The following ARHGAP24 variants were observed in gnomAD, a reference collection of about 807,000 sequenced individuals.
ARHGAP24 encodes the protein Rho GTPase activating protein 24, also known as rho GTPase-activating protein 24.
In ARHGAP24, 50 loss-of-function variants were observed where a neutral mutation model predicts 76.4. The ratio of observed to expected loss-of-function variants is 0.65; its 90% confidence interval spans 0.52 to 0.83. The LOEUF is 0.83. Ranked by LOEUF, ARHGAP24 falls within the 40% of genes least tolerant of loss-of-function variation. The pLI, the probability that ARHGAP24 is intolerant of heterozygous loss-of-function variation, is 0.00. For synonymous variants in ARHGAP24, 345 were observed against 323.3 expected (o/e 1.07, Z -0.72); for missense variants, 930 against 914.2 (o/e 1.02, Z -0.22).
intron 8 of ARHGAP24, among the ~76,000 whole-genome samples, chr4:85,987,707 A>AACTT (rs1451377550): frequency 6.6e-6 from 1 of 152,026 alleles, no homozygotes; most frequent in East Asian, 1.9e-4. Context: ...GTTAGGAGAA[A>AACTT]ACTTAAAAAG....
At chr4:85,939,704 G>GA (rs537909264) in intron 4 of ARHGAP24, among the ~76,000 whole-genome samples, 17 of 150,950 alleles carry the variant, frequency 1.1e-4, no homozygotes, top group South Asian at 2.1e-4. Context: ...GGTTGTTGGG[G>GA]AAAAAAAAAT....
chr4:85,639,426 A>G (rs537156850), intron 2 of ARHGAP24, among the ~76,000 whole-genome samples: 1 of 152,238 alleles, frequency 6.6e-6, no homozygotes, highest in African/African-American at 2.4e-5. Context: ...CCCGATCTAA[A>G]TCTCAGGCAA....
At chr4:85,731,386 A>T (rs1227811768) in intron 3 of ARHGAP24, among the ~76,000 whole-genome samples, 1 of 152,130 alleles carries the variant, frequency 6.6e-6, no homozygotes, top group East Asian at 1.9e-4. Flanking sequence ...TTGAGAAGAG[A>T]CACCTTCTAT....
At chr4:85,984,849 GTC>G (rs1739886538) in intron 8 of ARHGAP24, among the ~76,000 whole-genome samples, 1 of 152,042 alleles carries the variant, frequency 6.6e-6, no homozygotes, top group Admixed American at 6.5e-5. Flanking sequence ...TCAAGATGGA[GTC>G]TCACTCTGTC....
Position 85,972,057 on chromosome 4 carries a change from G to A in ARHGAP24, c.621G>A (p.Val207=), listed in dbSNP as rs74779744. ...SFDSNTDVHT[V]ASLLKLYLRE... ...ACAGCAACACAGATGTACACACGGT[G>A]GCATCACTTCTTAAGCTGTACCTCC... The change falls in exon 6 of 10, where the codon GTG becomes GTA. Residue 207 remains valine (V), a synonymous_variant. Coordinates refer to ENST00000395184, the MANE Select transcript of ARHGAP24 (RefSeq NM_001025616.3). The A allele has an allele frequency of 2.5e-4, 403 of 1,613,828 alleles. No individual in the cohort carries two copies. The African/African-American group carries it at 4.2e-3, about 17-fold the overall frequency.
rs1741047606 is a variant in ARHGAP24, at chr4:86,001,978, T to C, written c.*1256T>C. ...AGGTGAATGCCTAAAGTTCCAATTTTAGCAAATATGGGAACCTCAGCAATG... is the reference window on the plus strand; with the variant it reads ...AGGTGAATGCCTAAAGTTCCAATTTCAGCAAATATGGGAACCTCAGCAATG... On this transcript the variant is annotated 3_prime_UTR_variant, in exon 10 of 10. Coordinates refer to ENST00000395184, the MANE Select transcript of ARHGAP24 (RefSeq NM_001025616.3). 1 of 152,256 alleles carries C rather than the reference T, an allele frequency of 6.6e-6. No individual in the cohort carries two copies. Among genetic ancestry groups the C allele is most frequent in the Admixed American group, 6.5e-5 (1 of 15,288 alleles). 9.4% of individuals were successfully genotyped at this position (152,256 alleles called of 1,614,324 possible). A position where few individuals can be genotyped will look rare whatever the true frequency, so the allele number is the denominator to read the frequency against.
intron 2 of ARHGAP24, among the ~76,000 whole-genome samples, chr4:85,677,807 T>C (rs1407937289): frequency 2.0e-5 from 3 of 152,224 alleles, no homozygotes; most frequent in African/African-American, 7.2e-5. Flanking sequence ...AATTTTAATG[T>C]GCTAATTAAT....
At chr4:85,945,759 CAAAAAAAAAAA>C in intron 5 of ARHGAP24, among the ~76,000 whole-genome samples, 1 of 62,496 alleles carries the variant, frequency 1.6e-5, no homozygotes, top group East Asian at 4.1e-4. Flanking sequence ...GACTCAGCCT[CAAAAAAAAAAA>C]AAAAAAAAAT....
At chr4:85,487,992 GC>G (rs1723201613) in intron 1 of ARHGAP24, among the ~76,000 whole-genome samples, 2 of 147,754 alleles carry the variant, frequency 1.4e-5, no homozygotes, top group South Asian at 4.2e-4. Context: ...TGCAAGCTCT[GC>G]CCCCTGGGTT....
chr4:85,625,232 T>C (rs368461667), intron 2 of ARHGAP24, among the ~76,000 whole-genome samples: 6 of 152,078 alleles, frequency 3.9e-5, no homozygotes, highest in African/African-American at 9.7e-5. Context: ...TCCCTCTACA[T>C]ACTGCTTTGA....
intron 1 of ARHGAP24, among the ~76,000 whole-genome samples, chr4:85,502,848 C>G (rs550328741): frequency 6.6e-6 from 1 of 152,094 alleles, no homozygotes; most frequent in East Asian, 1.9e-4. Flanking sequence ...GTGATATTGG[C>G]TTTGTTTGTC....
chr4:85,986,740 A>G (rs1290101652), intron 8 of ARHGAP24, among the ~76,000 whole-genome samples: 1 of 152,148 alleles, frequency 6.6e-6, no homozygotes, highest in Non-Finnish European at 1.5e-5. Context: ...GAGGGAATTT[A>G]CCAGAGATGC....
intron 2 of ARHGAP24, among the ~76,000 whole-genome samples, chr4:85,585,176 T>C (rs1443455298): frequency 6.6e-6 from 1 of 152,160 alleles, no homozygotes; most frequent in Non-Finnish European, 1.5e-5. Context: ...TAAACCTGAG[T>C]TTTGTTTCTA....
chr4:85,985,415 G>A (rs1353135013), intron 8 of ARHGAP24, among the ~76,000 whole-genome samples: 2 of 152,074 alleles, frequency 1.3e-5, no homozygotes, highest in African/African-American at 4.8e-5. Context: ...CTCACTTATA[G>A]GTGGGTGCTA....
At chr4:85,532,554 A>G (rs952019516) in intron 1 of ARHGAP24, among the ~76,000 whole-genome samples, 1 of 152,182 alleles carries the variant, frequency 6.6e-6, no homozygotes, top group African/African-American at 2.4e-5. Context: ...CAATTTGACC[A>G]TACAGAATTT....
At chr4:85,928,695 C>G (rs1308244705) in intron 4 of ARHGAP24, among the ~76,000 whole-genome samples, 1 of 152,114 alleles carries the variant, frequency 6.6e-6, no homozygotes, top group Non-Finnish European at 1.5e-5. Flanking sequence ...CTCCTGACCT[C>G]AGGTGATCCA....
intron 1 of ARHGAP24, among the ~76,000 whole-genome samples, chr4:85,495,507 C>T (rs1250096566): frequency 8.7e-6 from 1 of 114,964 alleles, no homozygotes; most frequent in Non-Finnish European, 2.1e-5. Flanking sequence ...CCCGCCACCA[C>T]GCCCAGCTAA....
At chr4:85,662,641 A>G (rs1183829246) in intron 2 of ARHGAP24, among the ~76,000 whole-genome samples, 6 of 151,840 alleles carry the variant, frequency 4.0e-5, no homozygotes, top group African/African-American at 1.5e-4. Flanking sequence ...TAGGGTTTTT[A>G]TGGTTTTAGG....
At chr4:85,632,846 C>T (rs1261434104) in intron 2 of ARHGAP24, among the ~76,000 whole-genome samples, 3 of 151,904 alleles carry the variant, frequency 2.0e-5, no homozygotes, top group African/African-American at 7.2e-5. Context: ...TAAAATTAGG[C>T]TTTGTTTTCC....
Sources: allele counts gnomAD v4.1 joint callset (sites outside exome capture counted in the v4.1 genomes callset), GRCh38; gene constraint gnomAD v4.1.1; transcripts MANE v1.5; gene names NCBI Gene and HGNC (gene_info 2026-07-23, HGNC 2026-07-21).